The following ANK1 variants were observed in gnomAD, a reference collection of about 807,000 sequenced individuals.
The protein encoded by ANK1 is ankyrin 1.
ANK1 carries 51 observed loss-of-function variants against 210.4 expected under a neutral mutation model. That is an observed-to-expected ratio of 0.24 (90% confidence interval 0.19 to 0.31). The LOEUF (loss-of-function observed/expected upper bound fraction) is 0.31, where lower values mean the gene tolerates loss of function less well. Among genes scored for constraint, ANK1 ranks in the 10% least tolerant of loss-of-function variants. The pLI is 1.00. For synonymous variants in ANK1, 967 were observed against 1,025.9 expected, an observed-to-expected ratio of 0.94 and a Z score of 1.10; for missense variants, 2,051 against 2,504.4, an observed-to-expected ratio of 0.82 and a Z score of 3.86.
Position 41,694,861 on chromosome 8 carries a change from C to T in ANK1, c.3116-58G>A. 6.4e-7 allele frequency: 1 copy of T among 1,564,880 alleles called. No homozygotes were observed. Among genetic ancestry groups the T allele is most frequent in the Non-Finnish European group, 8.8e-7 (1 of 1,142,768 alleles). ...CACATCAGGCACAGGTTCAGGACTT[C>T]CAGGGGCCCCAGAGTCTCCTTGTCC... On this transcript the variant is annotated intron_variant, in intron 27 of 42. Transcript: ENST00000289734. This position sits in a 1 kb window ranked among gnomAD's most constrained non-coding sequence, Gnocchi z 5.7.
chr8:41,666,954 G>A (rs1450362602), intron 39 of ANK1, among the ~76,000 whole-genome samples: 2 of 152,190 alleles, frequency 1.3e-5, no homozygotes, highest in Non-Finnish European at 2.9e-5. Context: ...TGATCTAGAA[G>A]GCCCTTCCAG....
Position 41,696,379 on chromosome 8 carries a change from C to A in ANK1, c.2944G>T (p.Gly982Trp). The change falls in exon 26 of 43, where the codon GGG becomes TGG. Residue 982 changes from glycine (G) to tryptophan (W), a missense_variant. By Grantham distance (184) the Gly-to-Trp change is radical. Coordinates refer to ENST00000289734, the MANE Select transcript of ANK1 (RefSeq NM_000037.4). The part of the protein sequence containing the change: ...ASRIIALGPT[G>W]AQFLSPVIVE... ...CAAGCTCACCTCAGGAACTGTGCCC[C>A]CGTGGGCCCCAGTGCTATGATCCTG... 1 of 1,613,280 alleles carries A rather than the reference C, an allele frequency of 6.2e-7. No homozygotes were observed. The highest frequency in any genetic ancestry group is 8.5e-7 in the Non-Finnish European group (1 of 1,179,958).
intron 38 of ANK1, among the ~76,000 whole-genome samples, chr8:41,671,313 T>G (rs1044702650): frequency 2.6e-5 from 4 of 152,140 alleles, no homozygotes; most frequent in African/African-American, 4.8e-5. Flanking sequence ...CTCCGTCACA[T>G]GCAGGCTGTG....
At chr8:41,803,132 AG>A in intron 1 of ANK1, among the ~76,000 whole-genome samples, 1 of 149,194 alleles carries the variant, frequency 6.7e-6, no homozygotes. Context: ...AGGAAAGGAA[AG>A]GAAAGAAAGG....
In ANK1 at chr8:41,661,451, G is replaced by A. The variant is rs865865432; in HGVS notation, c.*15C>T. The A allele has an allele frequency of 1.2e-6, 2 of 1,614,072 alleles. No homozygotes were observed. Among genetic ancestry groups the A allele is most frequent in the East Asian group, 4.5e-5 (2 of 44,884 alleles). ...TTACCTCCCGAGAGGCTACTCCAAG[G>A]AGAGCGGCTCGGGGTCACTGTTTCC... On this transcript the variant is annotated 3_prime_UTR_variant, in exon 42 of 43. Coordinates refer to ENST00000289734, the MANE Select transcript of ANK1 (RefSeq NM_000037.4).
At chr8:41,824,710 G>A (rs145818510) in intron 1 of ANK1, among the ~76,000 whole-genome samples, 5 of 152,230 alleles carry the variant, frequency 3.3e-5, no homozygotes, top group Admixed American at 6.5e-5. Context: ...CCCCGCCTTC[G>A]CCACTCTTAT....
chr8:41,792,344 G>A (rs578060199), intron 1 of ANK1, among the ~76,000 whole-genome samples: 78 of 152,308 alleles, frequency 5.1e-4, no homozygotes, highest in African/African-American at 1.8e-3. Context: ...GTGTCAGGCT[G>A]TAACCACCTA....
At chr8:41,888,386 C>T (rs1469245649) in intron 1 of ANK1, among the ~76,000 whole-genome samples, 1 of 152,234 alleles carries the variant, frequency 6.6e-6, no homozygotes, top group Non-Finnish European at 1.5e-5. Flanking sequence ...GGAAACTACT[C>T]AGACCACCCG....
chr8:41,774,791 G>A (rs976491273), intron 1 of ANK1, among the ~76,000 whole-genome samples: 20 of 152,346 alleles, frequency 1.3e-4, no homozygotes, highest in South Asian at 4.1e-4. Context: ...TCCCCACTGC[G>A]CAAGGAATGG....
chr8:41,827,805 GCACA>G (rs1805707521), intron 1 of ANK1, among the ~76,000 whole-genome samples: 1 of 140,744 alleles, frequency 7.1e-6, no homozygotes, highest in East Asian at 2.1e-4. Context: ...GCACACTCAC[GCACA>G]CACCCACATA....
At chr8:41,847,376 A>G (rs1195387431) in intron 1 of ANK1, among the ~76,000 whole-genome samples, 1 of 152,176 alleles carries the variant, frequency 6.6e-6, no homozygotes, top group African/African-American at 2.4e-5. Context: ...GTCTGCACAC[A>G]TTTCACTGGC....
At position 41,690,527 on chromosome 8, in the gene ANK1, G is replaced by A. The variant is rs778348778; in HGVS notation, c.3931C>T (p.Arg1311Trp). The part of the protein sequence containing the change: ...LVPVKKAAQQ[R>W]SFHFQSFREN... The stretch of plus-strand genomic sequence containing the variant: ...CGAAATGACTGGAAGTGGAAGCTCC[G>A]CTGCTGGGCAGCTTTCTTCACAGGC... Residue 1311 changes from arginine (R) to tryptophan (W), a missense_variant, in exon 32 of 43, where the codon CGG (arginine) becomes TGG (tryptophan). Physicochemically the swap from Arg to Trp is moderately radical, Grantham distance 101 (BLOSUM62 -3). Coordinates refer to ENST00000289734, the MANE Select transcript of ANK1 (RefSeq NM_000037.4). The A allele has an allele frequency of 3.0e-5, 49 of 1,614,004 alleles. No individual in the cohort carries two copies. Among genetic ancestry groups the A allele is most frequent in the Admixed American group, 5.0e-5 (3 of 60,014 alleles).
At chr8:41,887,597 A>G (rs1014051872) in intron 1 of ANK1, among the ~76,000 whole-genome samples, 13 of 152,132 alleles carry the variant, frequency 8.5e-5, no homozygotes, top group East Asian at 3.9e-4. Context: ...AAAGGATAAA[A>G]AAGAAAATTC....
At position 41,808,986 on chromosome 8, in the gene ANK1, T is replaced by C. The variant is rs185306643; in HGVS notation, c.127-50849A>G. On this transcript the variant is annotated intron_variant, in intron 1 of 42. Transcript: ENST00000265709. ...GTTATTATGTTTTAACTTTTTGCTA[T>C]AGGATTATCATCCCCACTAGTCACC... Among the ~76,000 whole-genome samples the C allele has an allele frequency of 3.3e-5, 5 of 152,354 alleles. No homozygotes were observed. In the East Asian group the frequency reaches 9.6e-4, roughly 29 times the overall value.
chr8:41,880,635 C>A (rs902782074), intron 1 of ANK1, among the ~76,000 whole-genome samples: 1 of 152,194 alleles, frequency 6.6e-6, no homozygotes, highest in African/African-American at 2.4e-5. Flanking sequence ...CACCAAACCC[C>A]GCAAACACCT....
chr8:41,857,928 A>G (rs1273569130), intron 1 of ANK1, among the ~76,000 whole-genome samples: 1 of 150,932 alleles, frequency 6.6e-6, no homozygotes, highest in Non-Finnish European at 1.5e-5. Flanking sequence ...AAATAAATAA[A>G]TAAATATCCA....
chr8:41,694,292 C>T lies in ANK1; in HGVS notation c.3328-190G>A, dbSNP rs1820194238. ...TCCCCTTCTCCTCTGCTTCTTACTC[C>T]CAGGGCTGGTGCATCTTTGCTAGCA... On this transcript the variant is annotated intron_variant, in intron 28 of 42. Transcript: ENST00000289734. The surrounding 1 kb of genome is among the most constrained non-coding windows in gnomAD (Gnocchi z 5.7). Among the ~76,000 whole-genome samples, 1 of 152,166 alleles carries T rather than the reference C, an allele frequency of 6.6e-6. No individual in the cohort carries two copies. The highest frequency in any genetic ancestry group is 1.5e-5 in the Non-Finnish European group (1 of 68,034).
At chr8:41,749,322 G>A (rs1389964887) in intron 2 of ANK1, among the ~76,000 whole-genome samples, 1 of 135,502 alleles carries the variant, frequency 7.4e-6, no homozygotes, top group East Asian at 2.1e-4. Flanking sequence ...TTTTGAGATG[G>A]AGTCTTGCTC....
At chr8:41,754,841 G>A (rs1368093511) in intron 2 of ANK1, among the ~76,000 whole-genome samples, 2 of 152,206 alleles carry the variant, frequency 1.3e-5, no homozygotes, top group African/African-American at 4.8e-5. Context: ...ACCAGAATGA[G>A]GTTCAGGGAA....
Sources: allele counts gnomAD v4.1 joint callset (sites outside exome capture counted in the v4.1 genomes callset), GRCh38; gene constraint gnomAD v4.1.1; non-coding constraint Gnocchi (gnomAD v3.1); transcripts MANE v1.5; gene names NCBI Gene and HGNC (gene_info 2026-07-23, HGNC 2026-07-21).